PIK3C2G: variants seen among roughly 807,000 people sequenced by gnomAD.
The protein encoded by PIK3C2G is phosphatidylinositol 3-kinase C2 domain-containing subunit gamma.
In PIK3C2G, 168 loss-of-function variants were observed where a neutral mutation model predicts 181.1. The observed-to-expected ratio is 0.93, with a 90% CI of 0.82 to 1.05. PIK3C2G has a LOEUF of 1.05. Among genes scored for constraint, PIK3C2G ranks in the 50% least tolerant of loss-of-function variants. The pLI, the probability that PIK3C2G is intolerant of heterozygous loss-of-function variation, is 0.00. For missense variants in PIK3C2G, 1,869 were observed against 1,732.8 expected (o/e 1.08, Z -1.40); for synonymous variants, 573 against 592.2 (o/e 0.97, Z 0.47).
intron 5 of PIK3C2G, among the ~76,000 whole-genome samples, chr12:18,299,736 A>G (rs1324801885): frequency 1.3e-5 from 2 of 151,862 alleles, no homozygotes; most frequent in Non-Finnish European, 2.9e-5. Flanking sequence ...GAGCGTTTTT[A>G]TTATCAAGAA....
intron 18 of PIK3C2G, among the ~76,000 whole-genome samples, chr12:18,487,568 C>G (rs952726563): frequency 3.3e-5 from 5 of 151,938 alleles, no homozygotes; most frequent in Admixed American, 6.6e-5. Flanking sequence ...ATAAATTAGT[C>G]TTTTTTAATT....
At chr12:18,621,323 C>T (rs1325894402) in intron 31 of PIK3C2G, among the ~76,000 whole-genome samples, 1 of 151,892 alleles carries the variant, frequency 6.6e-6, no homozygotes, top group Admixed American at 6.6e-5. Context: ...TAAAACCTTA[C>T]TTCTACATGT....
chr12:18,519,214 G>T (rs1024107148), intron 24 of PIK3C2G, among the ~76,000 whole-genome samples: 1 of 152,190 alleles, frequency 6.6e-6, no homozygotes, highest in Non-Finnish European at 1.5e-5. Flanking sequence ...TGTTGATCTG[G>T]GGTGGAGAGT....
chr12:18,515,199 G>A (rs1942456522), intron 24 of PIK3C2G, among the ~76,000 whole-genome samples: 1 of 151,498 alleles, frequency 6.6e-6, no homozygotes, highest in South Asian at 2.1e-4. Context: ...TTTTTTTGTT[G>A]TGTGCTTCTC....
intron 31 of PIK3C2G, among the ~76,000 whole-genome samples, chr12:18,619,874 A>G (rs966455892): frequency 6.6e-6 from 1 of 151,232 alleles, no homozygotes; most frequent in African/African-American, 2.4e-5. Flanking sequence ...ACAGGCGTCC[A>G]CCACCACTCC....
intron 5 of PIK3C2G, among the ~76,000 whole-genome samples, chr12:18,301,929 T>C (rs1346564048): frequency 6.6e-6 from 1 of 152,234 alleles, no homozygotes; most frequent in East Asian, 1.9e-4. Flanking sequence ...GCATTCTTTC[T>C]AGGCAAATAC....
intron 24 of PIK3C2G, among the ~76,000 whole-genome samples, chr12:18,524,034 A>AC (rs1271068078): frequency 6.6e-6 from 1 of 152,170 alleles, no homozygotes; most frequent in Non-Finnish European, 1.5e-5. Flanking sequence ...AGCAACCCCC[A>AC]CAATCTGTGT....
intron 30 of PIK3C2G, among the ~76,000 whole-genome samples, chr12:18,594,962 C>T (rs1340412833): frequency 6.6e-6 from 1 of 151,908 alleles, no homozygotes; most frequent in African/African-American, 2.4e-5. Context: ...ATTATTATTG[C>T]AAAAACTAAA....
chr12:18,360,036 T>A (rs1487712032), intron 11 of PIK3C2G, among the ~76,000 whole-genome samples: 1 of 152,184 alleles, frequency 6.6e-6, no homozygotes, highest in Non-Finnish European at 1.5e-5. Context: ...ATCTTCTTTG[T>A]CTTTTCCTCT....
At chr12:18,384,286 T>C (rs997470698) in intron 14 of PIK3C2G, among the ~76,000 whole-genome samples, 2 of 152,118 alleles carry the variant, frequency 1.3e-5, no homozygotes, top group Admixed American at 6.5e-5. Flanking sequence ...AAACTTGAGT[T>C]CCTGAGTTCA....
chr12:18,430,301 A>T (rs1322091170), intron 18 of PIK3C2G, among the ~76,000 whole-genome samples: 1 of 152,060 alleles, frequency 6.6e-6, no homozygotes, highest in African/African-American at 2.4e-5. Flanking sequence ...CCAAGAGAGA[A>T]CCAATTGGAA....
rs1350866695 is a variant in PIK3C2G, at chr12:18,362,801, G to A, written c.1663G>A (p.Ala555Thr). The A allele has an allele frequency of 2.6e-6, 4 of 1,524,066 alleles. No homozygotes were observed. The highest frequency in any genetic ancestry group is 3.5e-6 in the Non-Finnish European group (4 of 1,142,076). The allele number at this position is 1,524,066 out of a possible 1,614,324, so 94.4% of individuals were successfully genotyped here. ...TTCTTTTACCTGTTGGCTTACATAT[G>A]CTGGAAAGAAGCTGTGCCAAGTGAG... is the stretch of plus-strand genomic sequence containing the variant. The part of the protein sequence containing the change: ...AFSFTCWLTY[A>T]GKKLCQVRNY... Residue 555 changes from alanine (A) to threonine (T), a missense_variant, in exon 12 of 33, where the codon GCT (alanine) becomes ACT (threonine). Ala to Thr is a moderately conservative substitution (Grantham distance 58, BLOSUM62 0). Transcript: ENST00000538779.
chr12:18,632,029 G>T (rs1481243563), intron 31 of PIK3C2G, among the ~76,000 whole-genome samples: 1 of 151,974 alleles, frequency 6.6e-6, no homozygotes, highest in African/African-American at 2.4e-5. Context: ...ATTTTCAGTT[G>T]TCACAACTGG....
chr12:18,405,108 G>T (rs916563514), intron 16 of PIK3C2G, among the ~76,000 whole-genome samples: 19 of 152,128 alleles, frequency 1.2e-4, no homozygotes, highest in African/African-American at 4.6e-4. Flanking sequence ...AAAAGTTTTA[G>T]ATGAAAGAGC....
intron 30 of PIK3C2G, among the ~76,000 whole-genome samples, chr12:18,596,864 A>T (rs1947395441): frequency 1.3e-5 from 2 of 152,132 alleles, no homozygotes; most frequent in African/African-American, 4.8e-5. Context: ...TTCAATTAAA[A>T]TGTTAATGAT....
chr12:18,459,633 T>G (rs1947811904), intron 18 of PIK3C2G, among the ~76,000 whole-genome samples: 1 of 152,240 alleles, frequency 6.6e-6, no homozygotes, highest in Non-Finnish European at 1.5e-5. Flanking sequence ...CAGTGAAATT[T>G]ATATTGAATC....
At chr12:18,705,461 T>A in the PIK3C2G span, 1 of 996,158 alleles carries the variant, frequency 1.0e-6, no homozygotes, top group South Asian at 1.6e-5. Context: ...TGAAAGTACT[T>A]TTGAGTTTGG....
chr12:18,559,819 TATAGAG>T (rs1191950483), intron 26 of PIK3C2G, among the ~76,000 whole-genome samples: 2 of 19,932 alleles, frequency 1.0e-4, no homozygotes, highest in African/African-American at 3.6e-4. Context: ...TATATATATA[TATAGAG>T]AGAGAGAGAG....
At chr12:18,558,203 G>A (rs1308977380) in intron 26 of PIK3C2G, among the ~76,000 whole-genome samples, 2 of 152,118 alleles carry the variant, frequency 1.3e-5, no homozygotes, top group African/African-American at 2.4e-5. Context: ...ACAGTCTTGT[G>A]TATATACAGA....
Sources: gnomAD v4.1 joint callset for allele counts (sites outside exome capture counted in the v4.1 genomes callset) on GRCh38, gnomAD v4.1.1 for gene constraint, MANE v1.5 for transcripts, NCBI Gene and HGNC (gene_info 2026-07-23, HGNC 2026-07-21) for gene names.